The following MAGI1 variants were observed in gnomAD, a reference collection of about 807,000 sequenced individuals.
MAGI1 encodes membrane-associated guanylate kinase, WW and PDZ domain-containing protein 1.
MAGI1 carries 58 observed loss-of-function variants against 139.9 expected under a neutral mutation model. That is an observed-to-expected ratio of 0.41 (90% CI 0.34 to 0.52). MAGI1 has a LOEUF of 0.52. Ranked by LOEUF, MAGI1 falls within the 20% of genes least tolerant of loss-of-function variation. MAGI1 has a pLI of 0.12. For missense variants in MAGI1, 1,874 were observed against 1,901.6 expected, an observed-to-expected ratio of 0.99 and a Z score of 0.27; for synonymous variants, 812 against 737.9, an observed-to-expected ratio of 1.10 and a Z score of -1.63.
At chr3:65,997,613 G>A (rs2066518680) in intron 1 of MAGI1, among the ~76,000 whole-genome samples, 4 of 151,992 alleles carry the variant, frequency 2.6e-5, no homozygotes, top group South Asian at 2.1e-4. Context: ...CCGAGATCGC[G>A]CCACTGCACT....
chr3:65,763,393 T>A (rs1033180334), intron 1 of MAGI1, among the ~76,000 whole-genome samples: 1 of 152,158 alleles, frequency 6.6e-6, no homozygotes, highest in Admixed American at 6.5e-5. Flanking sequence ...TTTGTAAGCT[T>A]TTCTCCTGTG....
Position 65,703,264 on chromosome 3 carries a change from C to A in MAGI1, c.314-81176G>T, listed in dbSNP as rs556739997. Among the ~76,000 whole-genome samples, 3 of 152,302 alleles carry A rather than the reference C, an allele frequency of 2.0e-5. No homozygotes were observed. The East Asian group carries it at 5.8e-4, about 29-fold the overall frequency. On this transcript the variant is annotated intron_variant, in intron 1 of 22. Coordinates refer to ENST00000402939, the MANE Select transcript of MAGI1 (RefSeq NM_001033057.2). Reference sequence around the variant, plus strand: ...GTGAGTTTAACTAGAGTAATGAACACCACAAGGGCATCTGCTGGACGCAGG... The same window carrying A: ...GTGAGTTTAACTAGAGTAATGAACAACACAAGGGCATCTGCTGGACGCAGG...
At chr3:65,753,412 C>T (rs1559849579) in intron 1 of MAGI1, among the ~76,000 whole-genome samples, 1 of 152,138 alleles carries the variant, frequency 6.6e-6, no homozygotes, top group African/African-American at 2.4e-5. Flanking sequence ...GTTATTATCT[C>T]CATTTTATTG....
At chr3:65,734,527 G>GAAAGAGAGAA (rs1306587559) in intron 1 of MAGI1, among the ~76,000 whole-genome samples, 3 of 143,202 alleles carry the variant, frequency 2.1e-5, no homozygotes, top group Admixed American at 6.8e-5. Context: ...AAGAGAGAAA[G>GAAAGAGAGAA]AGAGAGGGGG....
chr3:65,781,258 A>T (rs187167082), intron 1 of MAGI1, among the ~76,000 whole-genome samples: 30 of 152,318 alleles, frequency 2.0e-4, no homozygotes, highest in African/African-American at 7.2e-4. Context: ...TAGTACCTGC[A>T]CACAGAGCCT....
chr3:65,478,819 T>A (rs1306454178), intron 3 of MAGI1, 21 bp from the exon 4 acceptor site: 7 of 1,573,836 alleles, frequency 4.4e-6, no homozygotes, highest in Non-Finnish European at 5.2e-6. Context: ...GAGAGACACA[T>A]TTGCATGTTT....
chr3:65,642,955 G>T (rs769853831), intron 1 of MAGI1, among the ~76,000 whole-genome samples: 36 of 152,190 alleles, frequency 2.4e-4, no homozygotes, highest in Non-Finnish European at 5.0e-4. Context: ...AGAAGGCTCT[G>T]CTAAGCTTTA....
chr3:65,465,633 G>A (rs1174455784), intron 5 of MAGI1, among the ~76,000 whole-genome samples: 2 of 151,982 alleles, frequency 1.3e-5, no homozygotes, highest in African/African-American at 4.8e-5. Context: ...AACATACATA[G>A]GGTGTCATTT....
At chr3:65,702,098 T>C (rs2089656927) in intron 1 of MAGI1, among the ~76,000 whole-genome samples, 1 of 152,142 alleles carries the variant, frequency 6.6e-6, no homozygotes, top group Non-Finnish European at 1.5e-5. Flanking sequence ...AGATGACAAA[T>C]CTGAAGGTTT....
chr3:66,019,711 G>T (rs1029540748), intron 1 of MAGI1, among the ~76,000 whole-genome samples: 3 of 152,062 alleles, frequency 2.0e-5, no homozygotes, highest in Non-Finnish European at 2.9e-5. Flanking sequence ...TTAACTCATC[G>T]GGTCAAGTTA....
chr3:65,505,056 T>C (rs533070216), intron 2 of MAGI1, among the ~76,000 whole-genome samples: 2 of 152,204 alleles, frequency 1.3e-5, no homozygotes, highest in Non-Finnish European at 2.9e-5. Context: ...GGCATTTTTG[T>C]TCCAAGAGGG....
chr3:65,956,544 A>G (rs2064135972), intron 1 of MAGI1, among the ~76,000 whole-genome samples: 1 of 152,206 alleles, frequency 6.6e-6, no homozygotes, highest in African/African-American at 2.4e-5. Context: ...ATTTCTTTAC[A>G]GTGAAACACA....
At chr3:65,979,088 T>TCCCCCCCCCCCCCCCCCCC (rs200894076) in intron 1 of MAGI1, among the ~76,000 whole-genome samples, 4 of 52,970 alleles carry the variant, frequency 7.6e-5, no homozygotes, top group African/African-American at 7.0e-5. Context: ...TTTCTTTTCT[T>TCCCCCCCCCCCCCCCCCCC]CCCCCCCCCC....
At chr3:65,811,533 C>A (rs1175934491) in intron 1 of MAGI1, among the ~76,000 whole-genome samples, 1 of 152,128 alleles carries the variant, frequency 6.6e-6, no homozygotes, top group Non-Finnish European at 1.5e-5. Flanking sequence ...GAGTCTCTTT[C>A]TAAGGAAATG....
At chr3:65,416,017 G>A (rs931641288) in intron 12 of MAGI1, among the ~76,000 whole-genome samples, 1 of 152,098 alleles carries the variant, frequency 6.6e-6, no homozygotes, top group African/African-American at 2.4e-5. Context: ...TGGTCTCTAT[G>A]GCAAAAGTAA....
chr3:65,900,427 A>C (rs2061174358), intron 1 of MAGI1, among the ~76,000 whole-genome samples: 1 of 152,224 alleles, frequency 6.6e-6, no homozygotes, highest in African/African-American at 2.4e-5. Context: ...GTCATGTATT[A>C]TTTGCCTAGT....
chr3:66,024,454 GAAT>G (rs2068128248), intron 1 of MAGI1, among the ~76,000 whole-genome samples: 1 of 151,346 alleles, frequency 6.6e-6, no homozygotes, highest in Non-Finnish European at 1.5e-5. Context: ...CCATTGAACA[GAAT>G]AAGCCCTTCC....
chr3:65,389,497 T>A (rs1266239186), intron 14 of MAGI1, among the ~76,000 whole-genome samples: 1 of 152,124 alleles, frequency 6.6e-6, no homozygotes, highest in Non-Finnish European at 1.5e-5. Flanking sequence ...ATCTCAACAT[T>A]AACTGAAGTT....
intron 1 of MAGI1, among the ~76,000 whole-genome samples, chr3:65,722,298 ACT>A (rs1406823083): frequency 1.3e-5 from 2 of 151,998 alleles, no homozygotes; most frequent in Non-Finnish European, 2.9e-5. Context: ...GAATGGGAAA[ACT>A]CTGGGAAACA....
Sources: gnomAD v4.1 joint callset for allele counts (sites outside exome capture counted in the v4.1 genomes callset) on GRCh38, gnomAD v4.1.1 for gene constraint, MANE v1.5 for transcripts, NCBI Gene and HGNC (gene_info 2026-07-23, HGNC 2026-07-21) for gene names.